The following EHMT1 variants were observed in gnomAD, a reference collection of about 807,000 sequenced individuals.
EHMT1 encodes the protein euchromatic histone lysine methyltransferase 1, also known as histone-lysine N-methyltransferase EHMT1.
In EHMT1, 15 loss-of-function variants were observed where a neutral mutation model predicts 147.2. That is an observed-to-expected ratio of 0.10 (90% CI 0.07 to 0.16). EHMT1 has a LOEUF of 0.16. Among genes scored for constraint, EHMT1 ranks in the 10% least tolerant of loss-of-function variants. EHMT1 has a pLI of 1.00. For synonymous variants in EHMT1, 795 were observed against 709.6 expected (o/e 1.12, Z -1.91); for missense variants, 1,587 against 1,772.4 (o/e 0.90, Z 1.88).
At chr9:137,741,650 C>A (rs924286866) in intron 4 of EHMT1, among the ~76,000 whole-genome samples, 17 of 152,304 alleles carry the variant, frequency 1.1e-4, no homozygotes, top group African/African-American at 4.1e-4. Flanking sequence ...AGATTGGCTC[C>A]AGGACCCCAT....
intron 25 of EHMT1, among the ~76,000 whole-genome samples, chr9:137,821,260 C>A (rs1037055493): frequency 2.0e-5 from 3 of 151,538 alleles, no homozygotes; most frequent in Non-Finnish European, 4.4e-5. Flanking sequence ...ACCTCATGAT[C>A]CACCTGCCTC....
In EHMT1 at chr9:137,813,266, C is replaced by G; in HGVS notation, c.3035+93C>G. ...AAAGCTGCTCCTGAAGCCGAAACATCCCCAGGCTGCAGTCCAAATTGTCAG... is the reference window on the plus strand; with the variant it reads ...AAAGCTGCTCCTGAAGCCGAAACATGCCCAGGCTGCAGTCCAAATTGTCAG... On this transcript the variant is annotated intron_variant, in intron 20 of 26. Transcript: ENST00000460843. This position sits in a 1 kb window ranked among gnomAD's most constrained non-coding sequence, Gnocchi z 4.9. 6.4e-7 allele frequency: 1 copy of G among 1,560,638 alleles called. No homozygotes were observed. The highest frequency in any genetic ancestry group is 8.6e-7 in the Non-Finnish European group (1 of 1,158,920).
At chr9:137,725,107 C>T in intron 3 of EHMT1, among the ~76,000 whole-genome samples, 1 of 139,894 alleles carries the variant, frequency 7.1e-6, no homozygotes. Flanking sequence ...ATTCCTGGGG[C>T]AGGCGTGTGG....
At chr9:137,798,773 C>T in intron 16 of EHMT1, 40 bp from the exon 17 acceptor site, 1 of 1,538,150 alleles carries the variant, frequency 6.5e-7, no homozygotes, top group African/African-American at 1.4e-5. Context: ...ACCAGGATCA[C>T]AGGTATGGAT....
intron 1 of EHMT1, among the ~76,000 whole-genome samples, chr9:137,709,934 A>C (rs540689733): frequency 1.3e-3 from 195 of 152,144 alleles, no homozygotes; most frequent in Non-Finnish European, 2.2e-3. Context: ...TCAGCCTGAC[A>C]GCTCCCACTT....
chr9:137,717,063 C>T lies in EHMT1; in HGVS notation c.523C>T (p.Pro175Ser). The T allele has an allele frequency of 6.2e-7, 1 of 1,607,506 alleles. No individual in the cohort carries two copies. Among genetic ancestry groups the T allele is most frequent in the Non-Finnish European group, 8.5e-7 (1 of 1,176,182 alleles). Residue 175 changes from proline to serine, a missense_variant, in exon 3 of 27, where the codon CCA (proline) becomes TCA (serine). Pro to Ser is a moderately conservative substitution (Grantham distance 74). Coordinates refer to ENST00000460843, the MANE Select transcript of EHMT1 (RefSeq NM_024757.5). ...CGCTTTTCCCCAGACGCCAGCCGCC[C>T]CACCAGCCACCCTTGGGGAGGGGAG... The part of the protein sequence containing the change: ...PSAFPQTPAA[P>S]PATLGEGSAD...
At chr9:137,799,559 C>G (rs990405172) in intron 17 of EHMT1, among the ~76,000 whole-genome samples, 1 of 152,212 alleles carries the variant, frequency 6.6e-6, no homozygotes. Flanking sequence ...TCAGCATGCA[C>G]TGGGAGTCCC....
At position 137,776,535 on chromosome 9, in the gene EHMT1, C is replaced by G. The variant is rs922816936; in HGVS notation, c.1792-83C>G. The G allele has an allele frequency of 2.3e-5, 32 of 1,387,296 alleles. No individual in the cohort carries two copies. Among genetic ancestry groups the G allele is most frequent in the Non-Finnish European group, 3.2e-5 (32 of 994,120 alleles). The allele number at this position is 1,387,296 out of a possible 1,614,324, so 85.9% of individuals were successfully genotyped here. A position where few individuals can be genotyped will look rare whatever the true frequency, so the allele number is the denominator to read the frequency against. ...TCTGCAGACCGCCCGATGTGGGATG[C>G]GGTGCCAGTTTAGTAGTACTTTATT... On this transcript the variant is annotated intron_variant, in intron 11 of 26. Transcript: ENST00000460843. The surrounding 1 kb of genome is among the most constrained non-coding windows in gnomAD (Gnocchi z 4.4).
At chr9:137,739,099 C>T (rs1342323659) in intron 4 of EHMT1, among the ~76,000 whole-genome samples, 5 of 150,230 alleles carry the variant, frequency 3.3e-5, no homozygotes, top group African/African-American at 4.9e-5. Context: ...AGGCCGGGCG[C>T]GGTGGCTCAT....
Position 137,834,370 on chromosome 9 carries a change from G to A in EHMT1, c.3562G>A (p.Asp1188Asn), listed in dbSNP as rs1588947472. The change falls in exon 26 of 27, where the codon GAC (aspartate) becomes AAC (asparagine). Residue 1188 changes from aspartate to asparagine, a missense_variant. This residue lies in a region of EHMT1 where 156 missense variants were observed against 252.5 expected (regional missense o/e 0.62). Transcript: ENST00000460843. ...GCAGGACGGGGAGGTTTACTGCATC[G>A]ACGCGCGGTTCTACGGGAACGTCAG... is the stretch of plus-strand genomic sequence containing the variant. ...DNKDGEVYCI[D>N]ARFYGNVSRF... 1 of 1,613,136 alleles carries A rather than the reference G, an allele frequency of 6.2e-7. No homozygotes were observed. The highest frequency in any genetic ancestry group is 8.5e-7 in the Non-Finnish European group (1 of 1,179,786).
intron 9 of EHMT1, among the ~76,000 whole-genome samples, 156 bp downstream of exon 9, chr9:137,758,167 G>A (rs112917969): frequency 7.9e-5 from 12 of 152,134 alleles, no homozygotes; most frequent in East Asian, 3.9e-4. Flanking sequence ...GATGGGGTGC[G>A]TTTGCTGTGT....
At chr9:137,778,812 A>G (rs1001597331) in intron 13 of EHMT1, among the ~76,000 whole-genome samples, 5 of 152,218 alleles carry the variant, frequency 3.3e-5, no homozygotes, top group African/African-American at 9.6e-5. Context: ...AAGAGGCTTA[A>G]TTGGCTCACG....
chr9:137,822,896 A>G (rs538437313), intron 25 of EHMT1, among the ~76,000 whole-genome samples: 4,446 of 106,776 alleles, frequency 0.042, 83 homozygotes, highest in Non-Finnish European at 0.048. Context: ...CTTCATCTCG[A>G]AAAAAAAAAA....
chr9:137,732,730 G>T lies in EHMT1; in HGVS notation c.823+4201G>T, dbSNP rs892417044. Among the ~76,000 whole-genome samples the T allele has an allele frequency of 6.6e-6, 1 of 152,114 alleles. No homozygotes were observed. Among genetic ancestry groups the T allele is most frequent in the Non-Finnish European group, 1.5e-5 (1 of 67,992 alleles). On this transcript the variant is annotated intron_variant, in intron 4 of 26. Transcript: ENST00000460843. The surrounding 1 kb of genome is among the most constrained non-coding windows in gnomAD (Gnocchi z 4.6). ...GGCTTGAAGGTCAGGTTTCACCGGG[G>T]ACCTGCTCCTATCTGCCTAGGAATT...
intron 25 of EHMT1, 159 bp from the exon 26 acceptor site, chr9:137,834,190 C>G (rs1588946308): frequency 1.1e-6 from 1 of 942,652 alleles, no homozygotes; most frequent in Non-Finnish European, 1.6e-6. Context: ...CTGGCGGAGG[C>G]TCCGCACCGC....
chr9:137,625,166 G>A (rs1843177203), intron 1 of EHMT1, among the ~76,000 whole-genome samples: 1 of 152,112 alleles, frequency 6.6e-6, no homozygotes, highest in Non-Finnish European at 1.5e-5. Context: ...CCAGGCGTGG[G>A]CCACCTTGCT....
chr9:137,621,237 G>A (rs1363321461), intron 1 of EHMT1, among the ~76,000 whole-genome samples: 1 of 152,220 alleles, frequency 6.6e-6, no homozygotes, highest in Non-Finnish European at 1.5e-5. Context: ...TGGCCTTCTG[G>A]ACAGTAGGTA....
At chr9:137,622,432 T>A (rs1842993984) in intron 1 of EHMT1, among the ~76,000 whole-genome samples, 1 of 152,148 alleles carries the variant, frequency 6.6e-6, no homozygotes, top group African/African-American at 2.4e-5. Context: ...TCATCTTCTG[T>A]CTTTCTAGAG....
intron 13 of EHMT1, among the ~76,000 whole-genome samples, chr9:137,779,289 G>A (rs1029583633): frequency 6.6e-6 from 1 of 152,236 alleles, no homozygotes; most frequent in Non-Finnish European, 1.5e-5. Context: ...GGCTGGTCCC[G>A]GCTGTGCTGA....
Sources: allele counts gnomAD v4.1 joint callset (sites outside exome capture counted in the v4.1 genomes callset), GRCh38; gene constraint gnomAD v4.1.1; regional missense constraint gnomAD v4.1.1; non-coding constraint Gnocchi (gnomAD v3.1); transcripts MANE v1.5; gene names NCBI Gene and HGNC (gene_info 2026-07-23, HGNC 2026-07-21).